Variants in HTR2C observed in about 807,000 individuals in gnomAD.
HTR2C encodes 5-hydroxytryptamine receptor 2C, also known as 5-hydroxytryptamine (serotonin) receptor 2C, G protein-coupled.
A neutral mutation model predicts 21.0 loss-of-function variants in HTR2C; 5 were observed. The ratio of observed to expected loss-of-function variants is 0.24; its 90% CI spans 0.12 to 0.50. The LOEUF (loss-of-function observed/expected upper bound fraction) is 0.50, where lower values mean the gene tolerates loss of function less well. Ranked by LOEUF, HTR2C falls within the 20% of genes least tolerant of loss-of-function variation. The pLI, the probability that HTR2C is intolerant of heterozygous loss-of-function variation, is 0.98. For missense variants in HTR2C, 271 were observed against 371.2 expected (o/e 0.73, Z 2.22); for synonymous variants, 150 against 145.3 (o/e 1.03, Z -0.23).
intron 2 of HTR2C, among the ~76,000 whole-genome samples, chrX:114,645,317 G>A (rs962111174): frequency 3.6e-5 from 4 of 111,026 alleles, no homozygotes; most frequent in African/African-American, 1.3e-4. Context: ...AAAAAAAAGT[G>A]CCTCAAGAAA....
intron 1 of HTR2C, among the ~76,000 whole-genome samples, chrX:114,612,172 A>G (rs1179334441): frequency 8.9e-6 from 1 of 111,910 alleles, no homozygotes; most frequent in Non-Finnish European, 1.9e-5. Flanking sequence ...ATTTTATATT[A>G]TACTTCAAAT....
intron 4 of HTR2C, among the ~76,000 whole-genome samples, chrX:114,820,607 G>A (rs1482367706): frequency 9.1e-6 from 1 of 110,218 alleles, no homozygotes; most frequent in Non-Finnish European, 1.9e-5. Context: ...GACCCAGGGG[G>A]AGGTAATTGA....
In HTR2C at chrX:114,881,780, C is replaced by T. The variant is rs190544480; in HGVS notation, c.551-24809C>T. On this transcript the variant is annotated intron_variant, in intron 5 of 5. Coordinates refer to ENST00000276198, the MANE Select transcript of HTR2C (RefSeq NM_000868.4). ...TTGAAAATCAGGTAGTGCGAGTCCT[C>T]GTACTTTGCTCTTTTATCTCAAGAT... 5.2e-3 allele frequency among the ~76,000 whole-genome samples: 574 copies of T among 110,168 alleles called. 4 individuals are homozygous for T. Among genetic ancestry groups the T allele is most frequent in the African/African-American group, 0.018 (548 of 30,567 alleles).
At chrX:114,891,200 T>G (rs1219739139) in intron 5 of HTR2C, among the ~76,000 whole-genome samples, 1 of 111,283 alleles carries the variant, frequency 9.0e-6, no homozygotes, top group Non-Finnish European at 1.9e-5. Context: ...AATACCATAT[T>G]TGCCTCGAAC....
intron 2 of HTR2C, among the ~76,000 whole-genome samples, chrX:114,641,249 G>A (rs1362512703): frequency 9.1e-6 from 1 of 110,324 alleles, no homozygotes; most frequent in Non-Finnish European, 1.9e-5. Flanking sequence ...TGCTTTAGCA[G>A]ATGCCACTGG....
At chrX:114,861,611 C>T (rs1173018662) in intron 5 of HTR2C, among the ~76,000 whole-genome samples, 1 of 111,156 alleles carries the variant, frequency 9.0e-6, no homozygotes, top group African/African-American at 3.3e-5. Context: ...TCCCCACAAG[C>T]AGTGTACAAG....
intron 2 of HTR2C, among the ~76,000 whole-genome samples, chrX:114,699,473 T>C (rs782374454): frequency 1.8e-5 from 2 of 112,292 alleles, no homozygotes; most frequent in Non-Finnish European, 3.8e-5. Flanking sequence ...CAAAAAGGAT[T>C]GTGTCAATTT....
In HTR2C at chrX:114,606,217, G is replaced by A. The variant is rs782048704; in HGVS notation, c.-146-7598G>A. ...GTACTTAACCCTCTCCCAGAAAAGC[G>A]GGACTTGCCGCTAAGGGTGAAGGAG... On this transcript the variant is annotated intron_variant, in intron 1 of 5. Coordinates refer to ENST00000276198, the MANE Select transcript of HTR2C (RefSeq NM_000868.4). Among the ~76,000 whole-genome samples, 22 of 110,955 alleles carry A rather than the reference G, an allele frequency of 2.0e-4. 1 individual carries two copies. The highest frequency in any genetic ancestry group is 1.5e-3 in the South Asian group (4 of 2,594).
chrX:114,710,433 T>C (rs1199765265), intron 2 of HTR2C, among the ~76,000 whole-genome samples: 3 of 37,353 alleles, frequency 8.0e-5, no homozygotes, highest in Non-Finnish European at 1.4e-4. Context: ...GAGATAGTGA[T>C]GAGGAGTGAA....
At position 114,895,444 on chromosome X, in the gene HTR2C, T is replaced by C. The variant is rs782520418; in HGVS notation, c.551-11145T>C. ...AATTTGTGTTCTTTCTCCTTCCTTT[T>C]TCTTGATGTGTCTTGGTAGAGATTG... On this transcript the variant is annotated intron_variant, in intron 5 of 5. Transcript: ENST00000276198. 2.7e-5 allele frequency among the ~76,000 whole-genome samples: 3 copies of C among 111,824 alleles called. No homozygotes were observed. In the South Asian group the frequency reaches 1.1e-3, roughly 42 times the overall value.
rs1262871215 is a variant in HTR2C, at chrX:114,909,584, C to T, written c.*2169C>T. 3 of 112,197 alleles carry T rather than the reference C, an allele frequency of 2.7e-5. No homozygotes were observed. The highest frequency in any genetic ancestry group is 5.6e-5 in the Non-Finnish European group (3 of 53,167). The allele number at this position is 112,197 out of a possible 1,213,427, so 9.2% of individuals were successfully genotyped here. Reference sequence around the variant, plus strand: ...AAACAAAATATAAATCACAGATTTCCAAAAGTACTAGCAATAAGTTGAATG... The same window carrying T: ...AAACAAAATATAAATCACAGATTTCTAAAAGTACTAGCAATAAGTTGAATG... On this transcript the variant is annotated 3_prime_UTR_variant, in exon 6 of 6. Coordinates refer to ENST00000276198, the MANE Select transcript of HTR2C (RefSeq NM_000868.4).
At chrX:114,642,708 C>A (rs1930183277) in intron 2 of HTR2C, among the ~76,000 whole-genome samples, 1 of 111,429 alleles carries the variant, frequency 9.0e-6, no homozygotes, top group Admixed American at 9.6e-5. Context: ...GCTGCTGTAC[C>A]TGAATGATAA....
At chrX:114,661,338 A>G (rs1267146366) in intron 2 of HTR2C, among the ~76,000 whole-genome samples, 1 of 110,506 alleles carries the variant, frequency 9.0e-6, no homozygotes, top group South Asian at 3.9e-4. Flanking sequence ...GCTACTCGGG[A>G]GGCTGAGGCC....
At chrX:114,748,288 T>A (rs781909072) in intron 4 of HTR2C, among the ~76,000 whole-genome samples, 1 of 112,118 alleles carries the variant, frequency 8.9e-6, no homozygotes, top group African/African-American at 3.2e-5. Flanking sequence ...GAGAGATATA[T>A]CCTGATTATG....
At chrX:114,605,126 C>A (rs1237800361) in intron 1 of HTR2C, among the ~76,000 whole-genome samples, 3 of 111,384 alleles carry the variant, frequency 2.7e-5, no homozygotes, top group South Asian at 3.7e-4. Flanking sequence ...TGAAAAAGAG[C>A]CTAAACGCTA....
chrX:114,731,308 G>C lies in HTR2C; in HGVS notation c.50G>C (p.Gly17Ala). Residue 17 changes from glycine (G) to alanine (A), a missense_variant, in exon 4 of 6, where the codon GGC becomes GCC. By Grantham distance (60) the Gly-to-Ala change is moderately conservative. This residue lies in a region of HTR2C where 57 missense variants were observed against 64.0 expected (regional missense o/e 0.89). Coordinates refer to ENST00000276198, the MANE Select transcript of HTR2C (RefSeq NM_000868.4). Reference protein sequence around the residue: ...AVHSFLVHLIGLLVWQSDISV... With the variant: ...AVHSFLVHLIALLVWQSDISV... ...TTAATTTTCAGTGTGCACCTAATTG[G>C]CCTATTGGTTTGGCAATCTGATATT... 8.4e-7 allele frequency: 1 copy of C among 1,194,808 alleles called. No homozygotes were observed. The highest frequency in any genetic ancestry group is 1.1e-6 in the Non-Finnish European group (1 of 883,248).
chrX:114,785,064 G>T (rs1311279120), intron 4 of HTR2C, among the ~76,000 whole-genome samples: 1 of 111,625 alleles, frequency 9.0e-6, no homozygotes, highest in African/African-American at 3.3e-5. Context: ...GAATTTGAAG[G>T]GACACTATTC....
chrX:114,718,977 T>TA (rs1414820049), intron 2 of HTR2C, among the ~76,000 whole-genome samples: 23 of 33,487 alleles, frequency 6.9e-4, no homozygotes, highest in Non-Finnish European at 1.2e-3. Context: ...ATATTTAATA[T>TA]ATATAATATA....
intron 4 of HTR2C, among the ~76,000 whole-genome samples, chrX:114,739,300 TAGATA>T (rs2069621792): frequency 8.9e-6 from 1 of 111,792 alleles, no homozygotes; most frequent in Non-Finnish European, 1.9e-5. Flanking sequence ...TCAATGCAGT[TAGATA>T]AGATAAATTA....
Sources: gnomAD v4.1 joint callset for allele counts (sites outside exome capture counted in the v4.1 genomes callset) on GRCh38, gnomAD v4.1.1 for gene constraint, gnomAD v4.1.1 regional missense constraint, MANE v1.5 for transcripts, NCBI Gene and HGNC (gene_info 2026-07-23, HGNC 2026-07-21) for gene names.